KIF6: variants seen among roughly 807,000 people sequenced by gnomAD.
The protein encoded by KIF6 is kinesin-like protein KIF6.
A neutral mutation model predicts 112.7 loss-of-function variants in KIF6; 106 were observed. The ratio of observed to expected loss-of-function variants is 0.94; its 90% CI spans 0.80 to 1.11. The LOEUF (loss-of-function observed/expected upper bound fraction) is 1.11. Among genes scored for constraint, KIF6 ranks in the 50% least tolerant of loss-of-function variants. The probability of loss-of-function intolerance (pLI) is 0.00; values close to 1 mark genes in which losing one functional copy is unlikely to be tolerated. For missense variants in KIF6, 929 were observed against 964.0 expected, an observed-to-expected ratio of 0.96 and a Z score of 0.48; for synonymous variants, 339 against 339.9, an observed-to-expected ratio of 1.00 and a Z score of 0.03.
Position 39,361,178 on chromosome 6 carries a change from G to A in KIF6, c.1947-648C>T, listed in dbSNP as rs563526630. Reference sequence around the variant, plus strand: ...TAGGAAACAGTCCAATAGCCAGGCCGAAGAGATAAGTTGGCCTCTAAGGTG... The same window carrying A: ...TAGGAAACAGTCCAATAGCCAGGCCAAAGAGATAAGTTGGCCTCTAAGGTG... On this transcript the variant is annotated intron_variant, in intron 17 of 22. Coordinates refer to ENST00000287152, the MANE Select transcript of KIF6 (RefSeq NM_145027.6). Among the ~76,000 whole-genome samples the A allele has an allele frequency of 7.2e-5, 11 of 152,312 alleles. No individual in the cohort carries two copies. The South Asian group carries it at 1.9e-3, about 26-fold the overall frequency.
At chr6:39,437,778 C>A (rs931772564) in intron 13 of KIF6, among the ~76,000 whole-genome samples, 3 of 152,018 alleles carry the variant, frequency 2.0e-5, no homozygotes, top group Non-Finnish European at 4.4e-5. Flanking sequence ...GACGGTGGTC[C>A]CATATGGTGT....
At position 39,360,422 on chromosome 6, in the gene KIF6, C is replaced by T; in HGVS notation, c.2055G>A (p.Trp685Ter). The change falls in exon 18 of 23, where the codon TGG becomes TGA. Residue 685 changes from tryptophan (W) to a stop codon, truncating the protein, a stop_gained. Transcript: ENST00000287152. LOFTEE classifies it high-confidence loss of function. Reference protein sequence around the residue: ...KVKLQKEFEVWWAEEATNLQV... With the variant: ...KVKLQKEFEV ...GCAGGTTGGTGGCCTCCTCTGCCCA[C>T]CAGACTTCAAACTCTTTCTGTAGCT... 2 of 1,614,186 alleles carry T rather than the reference C, an allele frequency of 1.2e-6. No individual in the cohort carries two copies. The highest frequency in any genetic ancestry group is 1.7e-6 in the Non-Finnish European group (2 of 1,180,036).
chr6:39,477,270 A>G (rs1774484091), intron 13 of KIF6, among the ~76,000 whole-genome samples: 1 of 152,230 alleles, frequency 6.6e-6, no homozygotes, highest in Non-Finnish European at 1.5e-5. Flanking sequence ...TATGTAAATT[A>G]GTACAGAAAA....
intron 3 of KIF6, among the ~76,000 whole-genome samples, chr6:39,687,851 T>C (rs555551788): frequency 9.8e-5 from 15 of 152,288 alleles, no homozygotes; most frequent in Non-Finnish European, 7.4e-5. Flanking sequence ...CTTTTCTAGT[T>C]GAGAGGATTA....
chr6:39,548,676 A>G (rs1321988657), intron 10 of KIF6, among the ~76,000 whole-genome samples: 1 of 152,178 alleles, frequency 6.6e-6, no homozygotes, highest in Non-Finnish European at 1.5e-5. Flanking sequence ...GAACAAATGA[A>G]CCCAAATTCC....
chr6:39,424,329 C>A (rs10947811), intron 14 of KIF6, among the ~76,000 whole-genome samples: 109,124 of 152,088 alleles, frequency 0.72, 41,815 homozygotes, highest in South Asian at 0.9. Context: ...GCACCCTGCA[C>A]TTCTGCCATC....
In KIF6 at chr6:39,725,339, A is replaced by C; in HGVS notation, c.-29T>G. Reference sequence around the variant, plus strand: ...CTCCCTGGCTCTGCAATGACCCTTGACCTCTCTCAGGCCCGGGCTGCCAAA... The same window carrying C: ...CTCCCTGGCTCTGCAATGACCCTTGCCCTCTCTCAGGCCCGGGCTGCCAAA... On this transcript the variant is annotated 5_prime_UTR_variant, in exon 1 of 23. Coordinates refer to ENST00000287152, the MANE Select transcript of KIF6 (RefSeq NM_145027.6). The C allele has an allele frequency of 1.3e-6, 2 of 1,590,610 alleles. No individual in the cohort carries two copies. The highest frequency in any genetic ancestry group is 8.6e-7 in the Non-Finnish European group (1 of 1,167,334).
intron 14 of KIF6, among the ~76,000 whole-genome samples, chr6:39,426,544 A>G (rs1770781186): frequency 6.6e-6 from 1 of 152,198 alleles, no homozygotes; most frequent in Admixed American, 6.5e-5. Flanking sequence ...ATTTGAGCCC[A>G]GGAGTTCTAG....
intron 3 of KIF6, among the ~76,000 whole-genome samples, chr6:39,681,021 C>T (rs1195599120): frequency 6.6e-6 from 1 of 152,028 alleles, no homozygotes; most frequent in African/African-American, 2.4e-5. Flanking sequence ...ATGTGTCTGT[C>T]TGAGAAAGCC....
At chr6:39,519,286 A>G (rs1205090997) in intron 13 of KIF6, among the ~76,000 whole-genome samples, 1 of 152,194 alleles carries the variant, frequency 6.6e-6, no homozygotes, top group South Asian at 2.1e-4. Flanking sequence ...CTTATTTCCA[A>G]AAATAACCAT....
chr6:39,591,952 A>G (rs1337109138), intron 7 of KIF6, among the ~76,000 whole-genome samples: 1 of 152,126 alleles, frequency 6.6e-6, no homozygotes, highest in African/African-American at 2.4e-5. Context: ...CTTTACCAAA[A>G]ATACAAAAAA....
intron 3 of KIF6, among the ~76,000 whole-genome samples, chr6:39,653,821 G>C (rs780065609): frequency 3.3e-4 from 50 of 152,114 alleles, no homozygotes; most frequent in Admixed American, 3.1e-3. Context: ...ATGCCGGTGG[G>C]GGGTAGTTTC....
intron 15 of KIF6, among the ~76,000 whole-genome samples, chr6:39,388,674 CA>C (rs947130467): frequency 6.6e-6 from 1 of 151,550 alleles, no homozygotes; most frequent in South Asian, 2.1e-4. Context: ...TGGGTTTTGG[CA>C]AAAAAAGGAG....
intron 3 of KIF6, among the ~76,000 whole-genome samples, chr6:39,660,685 C>T (rs951601646): frequency 1.3e-5 from 2 of 152,132 alleles, no homozygotes; most frequent in Non-Finnish European, 2.9e-5. Context: ...TGTTGTCAGT[C>T]TAAGCACAGT....
chr6:39,523,386 C>G (rs1777507663), intron 13 of KIF6, among the ~76,000 whole-genome samples: 1 of 151,890 alleles, frequency 6.6e-6, no homozygotes, highest in African/African-American at 2.4e-5. Context: ...GTTAAAAAGC[C>G]AGAACGGCTC....
At chr6:39,594,136 A>C (rs1400987468) in intron 7 of KIF6, among the ~76,000 whole-genome samples, 3 of 152,156 alleles carry the variant, frequency 2.0e-5, no homozygotes, top group Non-Finnish European at 4.4e-5. Flanking sequence ...GTCATTAAGA[A>C]TTTTGAAGAG....
At chr6:39,611,797 C>T (rs77752897) in intron 6 of KIF6, among the ~76,000 whole-genome samples, 18,184 of 152,130 alleles carry the variant, frequency 0.12, 1,184 homozygotes, top group African/African-American at 0.17. Context: ...TGTCATCATA[C>T]GCCCAAATTC....
chr6:39,602,904 TATCCCCAATTGGCATTA>T (rs1285454221), intron 6 of KIF6, among the ~76,000 whole-genome samples: 10 of 152,334 alleles, frequency 6.6e-5, no homozygotes, highest in Admixed American at 2.6e-4. Flanking sequence ...TCCCTGGAAC[TATCCCCAATTGGCATTA>T]GCCATTGTGT....
At chr6:39,520,699 T>A (rs976146884) in intron 13 of KIF6, among the ~76,000 whole-genome samples, 1 of 152,190 alleles carries the variant, frequency 6.6e-6, no homozygotes, top group South Asian at 2.1e-4. Context: ...GTGTAACAGG[T>A]GACAGAGGGC....
Sources: allele counts gnomAD v4.1 joint callset (sites outside exome capture counted in the v4.1 genomes callset), GRCh38; gene constraint gnomAD v4.1.1; transcripts MANE v1.5; gene names NCBI Gene and HGNC (gene_info 2026-07-23, HGNC 2026-07-21).